Variants in ADAP1 observed in about 807,000 individuals in gnomAD.
ADAP1 encodes ArfGAP with dual PH domains 1.
A neutral mutation model predicts 54.9 loss-of-function variants in ADAP1; 31 were observed. The ratio of observed to expected loss-of-function variants is 0.56; its 90% CI spans 0.42 to 0.76. The LOEUF (loss-of-function observed/expected upper bound fraction) is 0.76, where lower values mean the gene tolerates loss of function less well. Among genes scored for constraint, ADAP1 ranks in the 30% least tolerant of loss-of-function variants. The pLI is 0.00. For synonymous variants in ADAP1, 313 were observed against 202.6 expected (o/e 1.55, Z -4.63); for missense variants, 535 against 512.4 (o/e 1.04, Z -0.42).
chr7:955,109 C>T (rs924187576), upstream of ADAP1, among the ~76,000 whole-genome samples: 3 of 152,114 alleles, frequency 2.0e-5, no homozygotes, highest in African/African-American at 7.2e-5. Flanking sequence ...TGACAAACGC[C>T]AGCGTCCCAG....
intron 1 of ADAP1, among the ~76,000 whole-genome samples, chr7:936,505 G>A (rs368176192): frequency 7.9e-5 from 12 of 152,330 alleles, no homozygotes; most frequent in East Asian, 3.9e-4. Context: ...GTGCCACAGC[G>A]CAGTCTTTCT....
At chr7:918,981 A>G (rs1846049011) in intron 4 of ADAP1, among the ~76,000 whole-genome samples, 3 of 151,832 alleles carry the variant, frequency 2.0e-5, no homozygotes, top group Non-Finnish European at 4.4e-5. Flanking sequence ...TGGCCAGCTA[A>G]GCAGCACTGG....
At chr7:954,305 G>C in intron 1 of ADAP1, 91 bp downstream of exon 1, 17 of 949,456 alleles carry the variant, frequency 1.8e-5, no homozygotes, top group Non-Finnish European at 2.0e-5. Context: ...GCGCTCCCCC[G>C]CCCGGTCCCC....
chr7:955,154 C>A (rs1583195710), upstream of ADAP1: 3 of 699,840 alleles, frequency 4.3e-6, no homozygotes, highest in East Asian at 8.4e-5. Flanking sequence ...GACGGAGCCT[C>A]CCCCTGAGAC....
At chr7:904,298 C>T (rs764299016) in intron 5 of ADAP1, 26 bp from the exon 6 acceptor site, 2 of 1,539,282 alleles carry the variant, frequency 1.3e-6, no homozygotes, top group African/African-American at 1.4e-5. Flanking sequence ...GTCTAAGCAC[C>T]TCACAGGGGC....
In ADAP1 at chr7:920,320, ACG is replaced by A. The variant is rs1350746919; in HGVS notation, c.306-272_306-271del. The stretch of plus-strand genomic sequence containing the variant: ...CGTTCTGCACAAGCGTTCCCGGTGG[ACG>A]GGCTGGTGCCTCCCCTCTCCTTCCC... On this transcript the variant is annotated intron_variant, in intron 3 of 10. Transcript: ENST00000265846. The surrounding 1 kb of genome is among the most constrained non-coding windows in gnomAD (Gnocchi z 4.5). Among the ~76,000 whole-genome samples the A allele has an allele frequency of 6.6e-6, 1 of 151,998 alleles. No homozygotes were observed. The highest frequency in any genetic ancestry group is 1.5e-5 in the Non-Finnish European group (1 of 67,976).
rs560652173 is a variant in ADAP1 at position 925,033 on chromosome 7, G to A, written c.305+1520C>T. Among the ~76,000 whole-genome samples, 555 of 152,074 alleles carry A rather than the reference G, an allele frequency of 3.6e-3. 4 individuals carry two copies. Among genetic ancestry groups the A allele is most frequent in the African/African-American group, 0.013 (527 of 41,466 alleles). ...GGTGGGAAGGGAGAGGTGCATGCAC[G>A]GGGCTGAGTCGCCAGCCTCGGCCTT... On this transcript the variant is annotated intron_variant, in intron 3 of 10. Transcript: ENST00000265846.
chr7:920,925 G>T lies in ADAP1; in HGVS notation c.306-875C>A, dbSNP rs769874754. On this transcript the variant is annotated intron_variant, in intron 3 of 10. Coordinates refer to ENST00000265846, the MANE Select transcript of ADAP1 (RefSeq NM_006869.4). The surrounding 1 kb of genome is among the most constrained non-coding windows in gnomAD (Gnocchi z 4.5). Reference sequence around the variant, plus strand: ...ACAAATAGGAACCCTGTGGCTTCCTGCTGGGCCCACGTGAACAGCCTTGGA... The same window carrying T: ...ACAAATAGGAACCCTGTGGCTTCCTTCTGGGCCCACGTGAACAGCCTTGGA... 2 of 1,491,192 alleles carry T rather than the reference G, an allele frequency of 1.3e-6. No homozygotes were observed. Among genetic ancestry groups the T allele is most frequent in the South Asian group, 1.2e-5 (1 of 82,450 alleles). The allele number at this position is 1,491,192 out of a possible 1,614,324, so 92.4% of individuals were successfully genotyped here. A position where few individuals can be genotyped will look rare whatever the true frequency, so the allele number is the denominator to read the frequency against.
At chr7:905,635 G>GAGAAAGGGAGAAAGGGAAAGGAGAAAGGA (rs370672323) in intron 4 of ADAP1, 2 of 29,342 alleles carry the variant, frequency 6.8e-5, no homozygotes, top group African/African-American at 6.0e-4. Context: ...AAGGAGAAAG[G>GAGAAAGGGAGAAAGGGAAAGGAGAAAGGA]GAAAGGAGAA....
Position 899,054 on chromosome 7 carries a change from T to C in ADAP1, c.1075A>G (p.Met359Val). The C allele has an allele frequency of 6.2e-7, 1 of 1,608,910 alleles. No homozygotes were observed. The highest frequency in any genetic ancestry group is 8.5e-7 in the Non-Finnish European group (1 of 1,179,886). ...AAFQKAVDRP[M>V]LPQEYAVEAH... is the part of the protein sequence containing the mutation. ...TCACCTGCGTACTCCTGGGGCAGCA[T>C]GGGCCTGTCCACCGCCTTCTGGAAG... The change falls in exon 10 of 11, where the codon ATG becomes GTG. Residue 359 changes from methionine to valine, a missense_variant. Coordinates refer to ENST00000265846, the MANE Select transcript of ADAP1 (RefSeq NM_006869.4).
intron 4 of ADAP1, among the ~76,000 whole-genome samples, chr7:919,110 G>A (rs989610313): frequency 3.3e-5 from 5 of 152,214 alleles, no homozygotes; most frequent in African/African-American, 1.2e-4. Flanking sequence ...GCTCCAAGAC[G>A]CTGCCTGGAT....
At chr7:904,685 G>T (rs542917902) in intron 5 of ADAP1, among the ~76,000 whole-genome samples, 2 of 152,352 alleles carry the variant, frequency 1.3e-5, no homozygotes, top group East Asian at 3.9e-4. Context: ...CACTGTTCTT[G>T]CCAATGTGTT....
chr7:929,773 G>T (rs1380551535), intron 2 of ADAP1, among the ~76,000 whole-genome samples: 1 of 152,000 alleles, frequency 6.6e-6, no homozygotes, highest in Non-Finnish European at 1.5e-5. Flanking sequence ...GGAGTGAATT[G>T]TATGTGGATT....
At chr7:930,161 A>G (rs1157936217) in intron 2 of ADAP1, among the ~76,000 whole-genome samples, 2 of 150,368 alleles carry the variant, frequency 1.3e-5, no homozygotes, top group Admixed American at 1.3e-4. Context: ...TATGTATGCT[A>G]TAGACCCTAA....
chr7:952,464 G>C (rs1847294845), intron 1 of ADAP1, among the ~76,000 whole-genome samples: 1 of 152,172 alleles, frequency 6.6e-6, no homozygotes, highest in Non-Finnish European at 1.5e-5. Context: ...ACCCAGCTGG[G>C]CCACAGCAGG....
rs1844622566 is a variant in ADAP1 at position 898,647 on chromosome 7, A to G, written c.*274T>C. 2 of 509,734 alleles carry G rather than the reference A, an allele frequency of 3.9e-6. No homozygotes were observed. The highest frequency in any genetic ancestry group is 3.5e-5 in the East Asian group (1 of 28,626). 31.6% of individuals were successfully genotyped at this position (509,734 alleles called of 1,614,324 possible). On this transcript the variant is annotated 3_prime_UTR_variant, in exon 11 of 11. Transcript: ENST00000265846. ...GGGAGCCAGACTGGGCCCTGGAGGA[A>G]AGGGGGCCCCGGGTCAGGGAGGGGC...
At chr7:916,015 G>A (rs1479190087) in intron 4 of ADAP1, among the ~76,000 whole-genome samples, 1 of 152,162 alleles carries the variant, frequency 6.6e-6, no homozygotes, top group Non-Finnish European at 1.5e-5. Flanking sequence ...CCCACTTCTG[G>A]AGCCCAGACC....
intron 5 of ADAP1, 25 bp downstream of exon 5, chr7:905,035 C>CA (rs750599430): frequency 9.4e-6 from 15 of 1,594,286 alleles, no homozygotes; most frequent in Non-Finnish European, 1.3e-5. Flanking sequence ...GACAGGCCCC[C>CA]ACCCCACCCC....
Position 945,775 on chromosome 7 carries a change from G to GC in ADAP1, c.82+8620dup, listed in dbSNP as rs966843174. Reference sequence around the variant, plus strand: ...GCTCTGCCCTACCTGCTCCCAGGACGCCCGAGGTGACTCAGCCGCTCACCA... The same window carrying GC: ...GCTCTGCCCTACCTGCTCCCAGGACGCCCCGAGGTGACTCAGCCGCTCACCA... On this transcript the variant is annotated intron_variant, in intron 1 of 10. Transcript: ENST00000265846. This position sits in a 1 kb window ranked among gnomAD's most constrained non-coding sequence, Gnocchi z 4.2. The GC allele has an allele frequency of 1.0e-6, 1 of 985,516 alleles. No individual in the cohort carries two copies. The highest frequency in any genetic ancestry group is 1.7e-5 in the African/African-American group (1 of 57,228). 61.0% of individuals were successfully genotyped at this position (985,516 alleles called of 1,614,324 possible). A position where few individuals can be genotyped will look rare whatever the true frequency, so the allele number is the denominator to read the frequency against.
Sources: gnomAD v4.1 joint callset for allele counts (sites outside exome capture counted in the v4.1 genomes callset) on GRCh38, gnomAD v4.1.1 for gene constraint, Gnocchi (gnomAD v3.1) non-coding constraint, MANE v1.5 for transcripts, NCBI Gene and HGNC (gene_info 2026-07-23, HGNC 2026-07-21) for gene names.